MYH3: variants seen among roughly 807,000 people sequenced by gnomAD.
MYH3 encodes the protein myosin-3.
Under a neutral mutation model 238.0 loss-of-function variants are expected in MYH3, and 130 were observed. The ratio of observed to expected loss-of-function variants is 0.55; its 90% CI spans 0.47 to 0.63. The LOEUF is 0.63. Among genes scored for constraint, MYH3 ranks in the 30% least tolerant of loss-of-function variants. The pLI is 0.00. For missense variants in MYH3, 1,853 were observed against 2,374.9 expected (o/e 0.78, Z 4.57); for synonymous variants, 880 against 924.1 (o/e 0.95, Z 0.86).
intron 27 of MYH3, 29 bp from the exon 28 acceptor site, chr17:10,637,964 C>T (rs372277604): frequency 1.4e-4 from 221 of 1,614,020 alleles, no homozygotes; most frequent in Non-Finnish European, 1.8e-4. Flanking sequence ...GGAGCAAAGT[C>T]AGTCAGCAAA....
rs779530750 is a variant in MYH3, at chr17:10,634,017, G to A, written c.4522C>T (p.Gln1508Ter). The A allele has an allele frequency of 1.3e-5, 21 of 1,613,736 alleles. No homozygotes were observed. In the Admixed American group the frequency reaches 2.3e-4, roughly 18 times the overall value. ...TVKRENKNLE[Q>*]EIADLTEQIA... ...TTTCAGAGGGTTTCGAATAGCTTAC[G>A]CTCTAAGTTCTTATTTTCCCGTTTC... Residue 1508 changes from glutamine (Q) to a stop codon, truncating the protein, a stop_gained and splice_region_variant, in exon 32 of 41, where the codon CAG becomes TAG. Transcript: ENST00000583535. LOFTEE classifies it high-confidence loss of function.
chr17:10,648,615 G>A lies in MYH3; in HGVS notation c.677C>T (p.Pro226Leu). 6.2e-7 allele frequency: 1 copy of A among 1,614,014 alleles called. No individual in the cohort carries two copies. The highest frequency in any genetic ancestry group is 1.1e-5 in the South Asian group (1 of 91,078). The change falls in exon 8 of 41, where the codon CCC (proline) becomes CTC (leucine). Residue 226 changes from proline to leucine, a missense_variant. Pro to Leu is a moderately conservative substitution (Grantham distance 98). Coordinates refer to ENST00000583535, the MANE Select transcript of MYH3 (RefSeq NM_002470.4). Reference sequence around the variant, plus strand: ...GGCGTTCCCAAAGGCCTCCAGCAGGGGATTGGCACTGATGATTTGATCTTC... The same window carrying A: ...GGCGTTCCCAAAGGCCTCCAGCAGGAGATTGGCACTGATGATTTGATCTTC... ...TLEDQIISAN[P>L]LLEAFGNAKT...
In MYH3 at chr17:10,632,010, G is replaced by T; in HGVS notation, c.4963C>A (p.Gln1655Lys). The T allele has an allele frequency of 6.2e-7, 1 of 1,613,350 alleles. No individual in the cohort carries two copies. The highest frequency in any genetic ancestry group is 8.5e-7 in the Non-Finnish European group (1 of 1,180,036). The change falls in exon 35 of 41, where the codon CAG becomes AAG. Residue 1655 changes from glutamine to lysine, a missense_variant. Around this residue, in one of 3 missense-constraint regions of MYH3, gnomAD observed 1,044 missense variants for 1,192.6 expected, o/e 0.88. Transcript: ENST00000583535. The stretch of plus-strand genomic sequence containing the variant: ...CGGAGGGCATCATCCAGGTGGAGCT[G>T]CGTATCCTAGCCAGAGAAAAACGAA... ...RSVQGQLKDT[Q>K]LHLDDALRGQ...
At position 10,632,111 on chromosome 17, in the gene MYH3, TTTTTG is replaced by T. The variant is rs137999435; in HGVS notation, c.4957-100_4957-96del. ...TGAGTTTTGTTTGTTTGTTTGTTTG[TTTTTG>T]TTTTGTTTTGTTTTGTTTGTTTTGA... On this transcript the variant is annotated intron_variant, in intron 34 of 40. Coordinates refer to ENST00000583535, the MANE Select transcript of MYH3 (RefSeq NM_002470.4). 892,346 of 1,293,814 alleles carry T rather than the reference TTTTTG, an allele frequency of 0.69. 321,698 individuals are homozygous for T. The highest frequency in any genetic ancestry group is 0.74 in the Non-Finnish European group (686,300 of 930,346). The allele number at this position is 1,293,814 out of a possible 1,614,324, so 80.1% of individuals were successfully genotyped here. A position where few individuals can be genotyped will look rare whatever the true frequency, so the allele number is the denominator to read the frequency against.
chr17:10,675,624 C>T, the MYH3 span: 2 of 152,324 alleles, frequency 1.3e-5, no homozygotes, highest in East Asian at 3.9e-4. Flanking sequence ...AACCATCTCA[C>T]CTCCTGCCAG....
intron 17 of MYH3, 21 bp from the exon 18 acceptor site, chr17:10,641,393 C>T (rs2074270113): frequency 6.5e-7 from 1 of 1,532,778 alleles, no homozygotes; most frequent in South Asian, 1.1e-5. Flanking sequence ...AAAAAAATGA[C>T]ATTTGCCATC....
chr17:10,634,326 T>C (rs1198378744), intron 31 of MYH3, 144 bp from the exon 32 acceptor site: 5 of 957,702 alleles, frequency 5.2e-6, no homozygotes, highest in Non-Finnish European at 6.6e-6. Flanking sequence ...ATTGGGCTAA[T>C]CAAGATTCTG....
Position 10,647,281 on chromosome 17 carries a change from C to T in MYH3, c.800-1G>A, listed in dbSNP as rs752979691. On this transcript the variant is annotated splice_acceptor_variant, in intron 9 of 40. Transcript: ENST00000583535. LOFTEE classifies it high-confidence loss of function. ...GTGACTCTTGATTTTTCCAGAAGAT[C>T]TGGAACACAAACACAGGACTCTCTT... The T allele has an allele frequency of 1.9e-6, 3 of 1,614,078 alleles. No homozygotes were observed. The highest frequency in any genetic ancestry group is 2.5e-6 in the Non-Finnish European group (3 of 1,179,926).
At position 10,634,897 on chromosome 17, in the gene MYH3, A is replaced by T; in HGVS notation, c.4299T>A (p.Val1433=). 6.2e-7 allele frequency: 1 copy of T among 1,614,090 alleles called. No individual in the cohort carries two copies. The highest frequency in any genetic ancestry group is 8.5e-7 in the Non-Finnish European group (1 of 1,180,026). The change falls in exon 31 of 41, where the codon GTT becomes GTA. Residue 1433 remains valine, a synonymous_variant. Transcript: ENST00000583535. ...CGGCGGCCAAGGAATTGGCTCTTTC[A>T]ACATCAACCATCAGATCCTCCACCT... ...QGEVEDLMVD[V]ERANSLAAAL...
chr17:10,647,519 C>A, intron 8 of MYH3, 93 bp from the exon 9 acceptor site: 1 of 1,389,072 alleles, frequency 7.2e-7, no homozygotes. Flanking sequence ...GAGCCTAGTC[C>A]CCCTAAAATT....
chr17:10,642,176 C>T lies in MYH3; in HGVS notation c.1959+64G>A. The stretch of plus-strand genomic sequence containing the variant: ...CTCAAATAAATCAAGCTTAGAATCT[C>T]AGCATTGCTCATTTAGATGTCACTT... On this transcript the variant is annotated intron_variant, in intron 17 of 40. Transcript: ENST00000583535. This position sits in a 1 kb window ranked among gnomAD's most constrained non-coding sequence, Gnocchi z 5.4. 7.0e-7 allele frequency: 1 copy of T among 1,427,164 alleles called. No individual in the cohort carries two copies. The highest frequency in any genetic ancestry group is 9.8e-7 in the Non-Finnish European group (1 of 1,019,698). 88.4% of individuals were successfully genotyped at this position (1,427,164 alleles called of 1,614,324 possible).
chr17:10,644,726 C>T (rs1190708879), intron 12 of MYH3, 24 bp from the exon 13 acceptor site: 1 of 1,551,338 alleles, frequency 6.4e-7, no homozygotes. Context: ...AAGGACAGTG[C>T]TTAGAAAAGT....
chr17:10,628,893 C>T (rs372015153), intron 40 of MYH3, among the ~76,000 whole-genome samples: 214 of 152,292 alleles, frequency 1.4e-3, no homozygotes, highest in African/African-American at 5.0e-3. Context: ...CGCTGGAGAC[C>T]CAGCGACCTA....
At chr17:10,646,080 ACC>A in intron 10 of MYH3, 48 bp from the exon 11 acceptor site, 1 of 1,533,732 alleles carries the variant, frequency 6.5e-7, no homozygotes, top group Non-Finnish European at 9.0e-7. Context: ...CAAAGAAAAA[ACC>A]CACCCAGTGG....
In MYH3 at chr17:10,654,576, A is replaced by G. The variant is rs1314315164; in HGVS notation, c.204+285T>C. ...ACTCCCAACTCCACACCCTTGGGACACGTGGAGCTGGGCCCCTCTGGCCTA... is the reference window on the plus strand; with the variant it reads ...ACTCCCAACTCCACACCCTTGGGACGCGTGGAGCTGGGCCCCTCTGGCCTA... On this transcript the variant is annotated intron_variant, in intron 3 of 40. Transcript: ENST00000583535. This position sits in a 1 kb window ranked among gnomAD's most constrained non-coding sequence, Gnocchi z 4.5. Among the ~76,000 whole-genome samples, 2 of 152,250 alleles carry G rather than the reference A, an allele frequency of 1.3e-5. No homozygotes were observed. Among genetic ancestry groups the G allele is most frequent in the African/African-American group, 4.8e-5 (2 of 41,470 alleles).
rs1397005310 is a variant in MYH3 at position 10,631,706 on chromosome 17, GCTT to G, written c.5188_5190del (p.Lys1730del). The stretch of plus-strand genomic sequence containing the variant: ...TGGAGCTGCATGAGGTCTGTCTCCA[GCTT>G]CTTCTTGGTGTGGATGAGGCTGGTG... On this transcript the variant is annotated inframe_deletion, in exon 36 of 41. Coordinates refer to ENST00000583535, the MANE Select transcript of MYH3 (RefSeq NM_002470.4). 5 of 1,614,156 alleles carry G rather than the reference GCTT, an allele frequency of 3.1e-6. No homozygotes were observed. Among genetic ancestry groups the G allele is most frequent in the East Asian group, 4.5e-5 (2 of 44,878 alleles).
Position 10,633,632 on chromosome 17 carries a change from G to C in MYH3, c.4606C>G (p.Leu1536Val), listed in dbSNP as rs774513052. ...GCCAGCTGGATATCAGCCTTTTCCA[G>C]CTCAATCTGCTTTCTTGATTTCTCC... ...ELEKSRKQIE[L>V]EKADIQLALE... Residue 1536 changes from leucine (L) to valine (V), a missense_variant, in exon 33 of 41, where the codon CTG becomes GTG. Around this residue, in one of 3 missense-constraint regions of MYH3, gnomAD observed 1,044 missense variants for 1,192.6 expected, o/e 0.88. Transcript: ENST00000583535. The C allele has an allele frequency of 2.6e-5, 42 of 1,613,698 alleles. No individual in the cohort carries two copies. The highest frequency in any genetic ancestry group is 3.4e-5 in the Non-Finnish European group (40 of 1,179,960).
chr17:10,659,557 C>T (rs1325912685), upstream of MYH3, among the ~76,000 whole-genome samples: 1 of 152,204 alleles, frequency 6.6e-6, no homozygotes, highest in Non-Finnish European at 1.5e-5. Flanking sequence ...CCCAGAACTT[C>T]CAGAGTGCTC....
intron 7 of MYH3, among the ~76,000 whole-genome samples, chr17:10,649,292 T>G (rs1357810626): frequency 6.6e-6 from 1 of 152,238 alleles, no homozygotes; most frequent in African/African-American, 2.4e-5. Context: ...CATTGGTATA[T>G]GTGATTCTTC....
Sources: gnomAD v4.1 joint callset for allele counts (sites outside exome capture counted in the v4.1 genomes callset) on GRCh38, gnomAD v4.1.1 for gene constraint, gnomAD v4.1.1 regional missense constraint, Gnocchi (gnomAD v3.1) non-coding constraint, MANE v1.5 for transcripts, NCBI Gene and HGNC (gene_info 2026-07-23, HGNC 2026-07-21) for gene names.